The following KREMEN1 variants were observed in gnomAD, a reference collection of about 807,000 sequenced individuals.
KREMEN1 encodes kremen protein 1.
A neutral mutation model predicts 46.5 loss-of-function variants in KREMEN1; 30 were observed. The observed-to-expected ratio is 0.65, with a 90% CI of 0.48 to 0.88. The LOEUF is 0.88. Ranked by LOEUF, KREMEN1 falls within the 40% of genes least tolerant of loss-of-function variation. The pLI is 0.00. For missense variants in KREMEN1, 533 were observed against 596.9 expected (o/e 0.89, Z 1.11); for synonymous variants, 214 against 230.6 (o/e 0.93, Z 0.65).
chr22:29,146,124 G>A lies in KREMEN1; in HGVS notation c.*4012G>A. On this transcript the variant is annotated 3_prime_UTR_variant, in exon 9 of 9. Coordinates refer to ENST00000400335, the MANE Select transcript of KREMEN1 (RefSeq NM_001039570.3). Reference sequence around the variant, plus strand: ...CGGGCAGCTCCACACCCCACCACCTGGCACCGTTAGGTTTCAGATCTCCCG... The same window carrying A: ...CGGGCAGCTCCACACCCCACCACCTAGCACCGTTAGGTTTCAGATCTCCCG... 1.0e-6 allele frequency: 1 copy of A among 985,930 alleles called. No individual in the cohort carries two copies. The highest frequency in any genetic ancestry group is 1.2e-6 in the Non-Finnish European group (1 of 830,008). 61.1% of individuals were successfully genotyped at this position (985,930 alleles called of 1,614,324 possible).
At chr22:29,159,610 C>T (rs2038993238) in intron 9 of KREMEN1, among the ~76,000 whole-genome samples, 1 of 148,806 alleles carries the variant, frequency 6.7e-6, no homozygotes, top group Non-Finnish European at 1.5e-5. Flanking sequence ...CAGAGCGAGA[C>T]TCTGTCTAAA....
rs545792444 is a variant in KREMEN1 at position 29,074,413 on chromosome 22, C to T, written c.97+1186C>T. 3.4e-4 allele frequency among the ~76,000 whole-genome samples: 52 copies of T among 152,380 alleles called. 1 individual carries two copies. In the South Asian group the frequency reaches 0.01, roughly 30 times the overall value. ...CACCTTAGACAGGTCACTCACTACC[C>T]AGGCCAAGGCCAAGGCCAGGTCTTC... is the stretch of plus-strand genomic sequence containing the variant. On this transcript the variant is annotated intron_variant, in intron 1 of 8. Transcript: ENST00000400335.
At chr22:29,103,280 C>T (rs1244013467) in intron 3 of KREMEN1, among the ~76,000 whole-genome samples, 3 of 152,094 alleles carry the variant, frequency 2.0e-5, no homozygotes, top group African/African-American at 7.2e-5. Flanking sequence ...CCAGCAGGAG[C>T]CAGGGGGAAT....
intron 1 of KREMEN1, among the ~76,000 whole-genome samples, chr22:29,088,304 C>CAT (rs1326629167): frequency 2.3e-5 from 2 of 86,412 alleles, no homozygotes; most frequent in Non-Finnish European, 4.8e-5. Context: ...TGCACGCGTG[C>CAT]ATACACACAC....
chr22:29,115,449 A>AC (rs134687), intron 3 of KREMEN1, among the ~76,000 whole-genome samples: 73,873 of 151,530 alleles, frequency 0.49, 18,508 homozygotes, highest in Middle Eastern at 0.64. Context: ...AAAAAAAAAA[A>AC]CCAGAAGTAC....
Position 29,074,112 on chromosome 22 carries a change from C to T in KREMEN1, c.97+885C>T, listed in dbSNP as rs996734322. On this transcript the variant is annotated intron_variant, in intron 1 of 8. Coordinates refer to ENST00000400335, the MANE Select transcript of KREMEN1 (RefSeq NM_001039570.3). ...CTTTTCCCGAGTCCTCGGCTGCACCCGCTTGGCGGACATTATAACTTCTGC... is the reference window on the plus strand; with the variant it reads ...CTTTTCCCGAGTCCTCGGCTGCACCTGCTTGGCGGACATTATAACTTCTGC... 2.6e-5 allele frequency among the ~76,000 whole-genome samples: 4 copies of T among 152,234 alleles called. No individual in the cohort carries two copies. The East Asian group carries it at 5.8e-4, about 22-fold the overall frequency.
chr22:29,142,217 T>TAAAAG lies in KREMEN1; in HGVS notation c.*105_*106insAAAAG, dbSNP rs2038775423. The TAAAAG allele has an allele frequency of 7.1e-7, 1 of 1,417,258 alleles. No individual in the cohort carries two copies. The highest frequency in any genetic ancestry group is 1.5e-5 in the African/African-American group (1 of 68,274). The allele number at this position is 1,417,258 out of a possible 1,614,324, so 87.8% of individuals were successfully genotyped here. On this transcript the variant is annotated 3_prime_UTR_variant, in exon 9 of 9. Transcript: ENST00000400335. ...TGACAGACTCTTCCCCTCCTCTCCCTCTGCCTCGGCCTCTTCGGGGAAACC... is the reference window on the plus strand; with the variant it reads ...TGACAGACTCTTCCCCTCCTCTCCCTAAAAGCTGCCTCGGCCTCTTCGGGGAAACC...
At chr22:29,138,535 A>C in intron 6 of KREMEN1, 89 bp from the exon 7 acceptor site, 1 of 1,318,966 alleles carries the variant, frequency 7.6e-7, no homozygotes, top group Admixed American at 1.7e-5. Flanking sequence ...TCAGAGAAGA[A>C]CTCTTCTTCA....
chr22:29,167,392 C>T, exon 10 of KREMEN1: 3 of 439,102 alleles, frequency 6.8e-6, no homozygotes, highest in East Asian at 4.4e-5. Context: ...AAACGGTGTC[C>T]TCCGCACAGC....
chr22:29,073,143 G>A lies in KREMEN1; in HGVS notation c.13G>A (p.Ala5Thr), dbSNP rs1295071779. The A allele has an allele frequency of 1.8e-6, 2 of 1,097,740 alleles. No individual in the cohort carries two copies. Among genetic ancestry groups the A allele is most frequent in the Admixed American group, 4.9e-5 (1 of 20,562 alleles). The allele number at this position is 1,097,740 out of a possible 1,614,324, so 68.0% of individuals were successfully genotyped here. A position where few individuals can be genotyped will look rare whatever the true frequency, so the allele number is the denominator to read the frequency against. Residue 5 changes from alanine to threonine, a missense_variant, in exon 1 of 9, where the codon GCC (alanine) becomes ACC (threonine). Transcript: ENST00000400335. The surrounding 1 kb of genome is among the most constrained non-coding windows in gnomAD (Gnocchi z 4.4). MAPPAARLALLSAAA... is the reference protein window; with the variant it reads MAPPTARLALLSAAA... ...GCACTGACGGCCCATGGCGCCGCCA[G>A]CCGCCCGCCTCGCCCTGCTCTCCGC...
chr22:29,163,143 C>T (rs2039026024), intron 9 of KREMEN1, among the ~76,000 whole-genome samples: 1 of 152,026 alleles, frequency 6.6e-6, no homozygotes, highest in Non-Finnish European at 1.5e-5. Flanking sequence ...TCCCCACCGC[C>T]CCGCCGTTCT....
chr22:29,147,712 A>T (rs1049160138), downstream of KREMEN1, among the ~76,000 whole-genome samples: 2 of 152,214 alleles, frequency 1.3e-5, no homozygotes, highest in Non-Finnish European at 2.9e-5. Context: ...GAGACTCTAC[A>T]GGCCCAGCCA....
At chr22:29,139,534 T>A (rs1341510810) in intron 7 of KREMEN1, among the ~76,000 whole-genome samples, 1 of 152,066 alleles carries the variant, frequency 6.6e-6, no homozygotes. Flanking sequence ...GCCCAGGAGT[T>A]CAAGAATGCA....
At chr22:29,110,084 C>T (rs2038122020) in intron 3 of KREMEN1, among the ~76,000 whole-genome samples, 1 of 152,186 alleles carries the variant, frequency 6.6e-6, no homozygotes, top group Non-Finnish European at 1.5e-5. Flanking sequence ...TCCCCAGCCG[C>T]AGTGACTTAA....
intron 4 of KREMEN1, among the ~76,000 whole-genome samples, chr22:29,123,769 G>A (rs1343791549): frequency 4.6e-5 from 7 of 152,200 alleles, no homozygotes; most frequent in African/African-American, 1.7e-4. Context: ...CAACCTGGAT[G>A]ACAGAGTGAG....
intron 7 of KREMEN1, among the ~76,000 whole-genome samples, chr22:29,139,167 G>A (rs1384699132): frequency 6.6e-6 from 1 of 152,194 alleles, no homozygotes; most frequent in African/African-American, 2.4e-5. Flanking sequence ...ATATATAAGT[G>A]CTTCAGTGGT....
At chr22:29,119,184 T>C (rs2038291843) in intron 3 of KREMEN1, among the ~76,000 whole-genome samples, 1 of 152,044 alleles carries the variant, frequency 6.6e-6, no homozygotes, top group Non-Finnish European at 1.5e-5. Flanking sequence ...CCCATCTCAA[T>C]TCAATAGTTA....
intron 3 of KREMEN1, among the ~76,000 whole-genome samples, chr22:29,118,342 A>G (rs911283634): frequency 6.6e-6 from 1 of 152,190 alleles, no homozygotes; most frequent in Admixed American, 6.5e-5. Context: ...TGTCAAAAGC[A>G]TGTCAGCAGT....
At chr22:29,148,741 C>T (rs1355809174), downstream of KREMEN1, among the ~76,000 whole-genome samples, 1 of 152,146 alleles carries the variant, frequency 6.6e-6, no homozygotes, top group African/African-American at 2.4e-5. Flanking sequence ...AGGTGTGAGC[C>T]ACCGCGCCTG....
Sources: gnomAD v4.1 joint callset for allele counts (sites outside exome capture counted in the v4.1 genomes callset) on GRCh38, gnomAD v4.1.1 for gene constraint, Gnocchi (gnomAD v3.1) non-coding constraint, MANE v1.5 for transcripts, NCBI Gene and HGNC (gene_info 2026-07-23, HGNC 2026-07-21) for gene names.